RASAL2: variants seen among roughly 807,000 people sequenced by gnomAD.
RASAL2 encodes the protein RAS protein activator like 2, also known as ras GTPase-activating protein nGAP.
A neutral mutation model predicts 128.9 loss-of-function variants in RASAL2; 58 were observed. That is an observed-to-expected ratio of 0.45 (90% CI 0.36 to 0.56). The LOEUF is 0.56. Ranked by LOEUF, RASAL2 falls within the 20% of genes least tolerant of loss-of-function variation. RASAL2 has a pLI of 0.00. For missense variants in RASAL2, 1,360 were observed against 1,601.6 expected, an observed-to-expected ratio of 0.85 and a Z score of 2.57; for synonymous variants, 561 against 580.8, an observed-to-expected ratio of 0.97 and a Z score of 0.49.
chr1:178,233,493 C>T (rs1664095998), intron 1 of RASAL2, among the ~76,000 whole-genome samples: 1 of 152,156 alleles, frequency 6.6e-6, no homozygotes, highest in African/African-American at 2.4e-5. Flanking sequence ...GTGGCAGAGA[C>T]ATCCGAGTTT....
intron 1 of RASAL2, among the ~76,000 whole-genome samples, chr1:178,209,844 G>A (rs1036059809): frequency 1.3e-5 from 2 of 151,748 alleles, no homozygotes; most frequent in African/African-American, 4.8e-5. Context: ...TGTTTTAGGG[G>A]CCTTCTTTCT....
chr1:178,369,614 T>C (rs1235097974), intron 3 of RASAL2, among the ~76,000 whole-genome samples: 1 of 152,218 alleles, frequency 6.6e-6, no homozygotes, highest in East Asian at 1.9e-4. Context: ...CAGTGTTTTC[T>C]TTGTTAAAAT....
At chr1:178,196,467 C>G (rs773388363) in intron 1 of RASAL2, among the ~76,000 whole-genome samples, 1 of 152,096 alleles carries the variant, frequency 6.6e-6, no homozygotes, top group Non-Finnish European at 1.5e-5. Flanking sequence ...TGGAATCAAC[C>G]AACCATGGAT....
intron 3 of RASAL2, among the ~76,000 whole-genome samples, chr1:178,333,235 G>A (rs974279109): frequency 6.6e-6 from 1 of 150,728 alleles, no homozygotes; most frequent in Non-Finnish European, 1.5e-5. Context: ...TCACGTGTTA[G>A]CCAGGATGGT....
At chr1:178,156,641 CAAT>C (rs1661094185) in intron 1 of RASAL2, among the ~76,000 whole-genome samples, 1 of 152,086 alleles carries the variant, frequency 6.6e-6, no homozygotes, top group South Asian at 2.1e-4. Flanking sequence ...TTGAACCACT[CAAT>C]AATTCTAGTG....
chr1:178,280,482 A>G (rs1666731072), intron 1 of RASAL2, among the ~76,000 whole-genome samples: 1 of 152,102 alleles, frequency 6.6e-6, no homozygotes, highest in Non-Finnish European at 1.5e-5. Context: ...CATGGTAAAT[A>G]TTGATATAAC....
chr1:178,436,078 A>C (rs1352143689), intron 5 of RASAL2, among the ~76,000 whole-genome samples: 1 of 152,052 alleles, frequency 6.6e-6, no homozygotes, highest in Non-Finnish European at 1.5e-5. Flanking sequence ...AATTAGAGGA[A>C]ACTTGGGGTT....
At chr1:178,308,771 C>T (rs1182384658) in intron 3 of RASAL2, among the ~76,000 whole-genome samples, 5 of 151,662 alleles carry the variant, frequency 3.3e-5, no homozygotes, top group Non-Finnish European at 5.9e-5. Flanking sequence ...GCTGGGAAAC[C>T]TTGGTTTAAA....
chr1:178,223,190 A>G (rs1333308398), intron 1 of RASAL2, among the ~76,000 whole-genome samples: 1 of 152,202 alleles, frequency 6.6e-6, no homozygotes, highest in Non-Finnish European at 1.5e-5. Flanking sequence ...GACACTATGG[A>G]GAATCAAAAC....
chr1:178,286,709 G>A (rs878882901), intron 2 of RASAL2, among the ~76,000 whole-genome samples: 2 of 152,202 alleles, frequency 1.3e-5, no homozygotes, highest in Non-Finnish European at 2.9e-5. Flanking sequence ...ACCGTGCCCG[G>A]CCTGTAGTCA....
chr1:178,461,923 A>G (rs573591310), intron 14 of RASAL2, among the ~76,000 whole-genome samples: 5 of 152,366 alleles, frequency 3.3e-5, no homozygotes, highest in African/African-American at 9.6e-5. Flanking sequence ...TAATTGTAGT[A>G]TCAGTGAAAC....
In RASAL2 at chr1:178,413,846, T is replaced by C. The variant is rs74131344; in HGVS notation, c.565-6665T>C. Among the ~76,000 whole-genome samples, 844 of 151,990 alleles carry C rather than the reference T, an allele frequency of 5.6e-3. 11 individuals carry two copies. The highest frequency in any genetic ancestry group is 0.019 in the African/African-American group (789 of 41,428). On this transcript the variant is annotated intron_variant, in intron 4 of 17. Transcript: ENST00000367649. ...AAGAACCAAAAGGGAATGCTGGAAA[T>C]CAAAAACACTGTAGCAGAAATGAAG... is the stretch of plus-strand genomic sequence containing the variant.
chr1:178,404,679 C>T (rs1371132322), intron 4 of RASAL2, among the ~76,000 whole-genome samples: 6 of 136,628 alleles, frequency 4.4e-5, no homozygotes, highest in Non-Finnish European at 7.7e-5. Context: ...GCACCTGGCC[C>T]CCCAATTTTT....
chr1:178,204,087 TG>T (rs954847073), intron 1 of RASAL2, among the ~76,000 whole-genome samples: 1 of 152,232 alleles, frequency 6.6e-6, no homozygotes, highest in Non-Finnish European at 1.5e-5. Context: ...GGACCATAAT[TG>T]TCATGAGTAT....
rs78349387 is a variant in RASAL2 at position 178,111,176 on chromosome 1, T to G, written c.202+16482T>G. On this transcript the variant is annotated intron_variant, in intron 1 of 17. Transcript: ENST00000367649. ...CTACAATTGTTTGCCAGCTCGCCTT[T>G]TGATGAACATTTGAGTTGTTTTTAG... is the stretch of plus-strand genomic sequence containing the variant. Among the ~76,000 whole-genome samples, 431 of 152,334 alleles carry G rather than the reference T, an allele frequency of 2.8e-3. 8 individuals are homozygous for G. In the East Asian group the frequency reaches 0.037, roughly 13 times the overall value.
At chr1:178,447,134 T>C (rs773533474) in intron 9 of RASAL2, among the ~76,000 whole-genome samples, 7 of 152,100 alleles carry the variant, frequency 4.6e-5, no homozygotes, top group Non-Finnish European at 8.8e-5. Flanking sequence ...AGCAGGTGTT[T>C]TCAGTGGAAT....
chr1:178,252,916 C>T (rs887592688), intron 1 of RASAL2, among the ~76,000 whole-genome samples: 11 of 152,180 alleles, frequency 7.2e-5, no homozygotes, highest in Non-Finnish European at 1.2e-4. Flanking sequence ...CTCAATCTAC[C>T]AGTAACTGGT....
intron 10 of RASAL2, among the ~76,000 whole-genome samples, chr1:178,451,946 C>G (rs1677406408): frequency 6.6e-6 from 1 of 152,160 alleles, no homozygotes; most frequent in African/African-American, 2.4e-5. Context: ...TATAATCTCT[C>G]TAATAGAATA....
chr1:178,135,124 A>G (rs1231542583), intron 1 of RASAL2, among the ~76,000 whole-genome samples: 1 of 152,204 alleles, frequency 6.6e-6, no homozygotes, highest in Non-Finnish European at 1.5e-5. Flanking sequence ...TCCACCCTAC[A>G]GTCCTGATTT....
Sources: allele counts gnomAD v4.1 joint callset (sites outside exome capture counted in the v4.1 genomes callset), GRCh38; gene constraint gnomAD v4.1.1; transcripts MANE v1.5; gene names NCBI Gene and HGNC (gene_info 2026-07-23, HGNC 2026-07-21).